NXPE2: variants seen among roughly 807,000 people sequenced by gnomAD.
The protein encoded by NXPE2 is neurexophilin and PC-esterase domain family member 2.
Under a neutral mutation model 34.4 loss-of-function variants are expected in NXPE2, and 34 were observed. That is an observed-to-expected ratio of 0.99 (90% CI 0.75 to 1.31). NXPE2 has a LOEUF of 1.31. NXPE2 is among the 40% of genes most tolerant of loss of function. NXPE2 has a pLI of 0.00. For synonymous variants in NXPE2, 235 were observed against 231.3 expected, an observed-to-expected ratio of 1.02 and a Z score of -0.15; for missense variants, 649 against 672.5, an observed-to-expected ratio of 0.97 and a Z score of 0.39.
At chr11:114,562,605 T>C in the NXPE2 span, among the ~76,000 whole-genome samples, 1 of 152,232 alleles carries the variant, frequency 6.6e-6, no homozygotes, top group Non-Finnish European at 1.5e-5. Context: ...TGTAACAACT[T>C]TCACAACTGC....
At position 114,698,780 on chromosome 11, in the gene NXPE2, T is replaced by A; in HGVS notation, c.866+2T>A. Reference sequence around the variant, plus strand: ...GGAAGAATGGAGGCTTTTCCACAGGTAAAGAGGCTTTTAAATACAATAGCA... The same window carrying A: ...GGAAGAATGGAGGCTTTTCCACAGGAAAAGAGGCTTTTAAATACAATAGCA... On this transcript the variant is annotated splice_donor_variant, in intron 3 of 5. Transcript: ENST00000389586. LOFTEE classifies it high-confidence loss of function. 1 of 1,518,304 alleles carries A rather than the reference T, an allele frequency of 6.6e-7. No homozygotes were observed. Among genetic ancestry groups the A allele is most frequent in the South Asian group, 1.3e-5 (1 of 76,936 alleles). 94.1% of individuals were successfully genotyped at this position (1,518,304 alleles called of 1,614,324 possible).
the NXPE2 span, among the ~76,000 whole-genome samples, chr11:114,557,988 C>A: frequency 6.6e-6 from 1 of 151,880 alleles, no homozygotes; most frequent in African/African-American, 2.4e-5. Context: ...CCCTAACTGC[C>A]CTTTGTTCCT....
At position 114,698,266 on chromosome 11, in the gene NXPE2, C is replaced by A; in HGVS notation, c.354C>A (p.Asn118Lys). The change falls in exon 3 of 6, where the codon AAC (asparagine) becomes AAA (lysine). Residue 118 changes from asparagine (N) to lysine (K), a missense_variant. By Grantham distance (94) the Asn-to-Lys change is moderately conservative. Coordinates refer to ENST00000389586, the MANE Select transcript of NXPE2 (RefSeq NM_182495.6). ...CACACAGCACAGCCACCATCCTCAA[C>A]CCTCAAGATACGTACTGCAGGGGGG... ...SATHSTATIL[N>K]PQDTYCRGDQ... is the part of the protein sequence containing the mutation. 2 of 1,613,352 alleles carry A rather than the reference C, an allele frequency of 1.2e-6. No individual in the cohort carries two copies. Among genetic ancestry groups the A allele is most frequent in the Non-Finnish European group, 1.7e-6 (2 of 1,179,558 alleles).
At chr11:114,485,576 C>T in the NXPE2 span, among the ~76,000 whole-genome samples, 1 of 151,650 alleles carries the variant, frequency 6.6e-6, no homozygotes, top group Non-Finnish European at 1.5e-5. Context: ...CTATAGTCAC[C>T]CTGTTGTGCT....
chr11:114,774,192 T>C, the NXPE2 span, among the ~76,000 whole-genome samples: 1 of 152,204 alleles, frequency 6.6e-6, no homozygotes, highest in South Asian at 2.1e-4. Context: ...TCTGGGGCTG[T>C]TTGCACGCTG....
chr11:114,483,323 A>C, the NXPE2 span, among the ~76,000 whole-genome samples: 1 of 152,370 alleles, frequency 6.6e-6, no homozygotes, highest in East Asian at 1.9e-4. Context: ...AGGTAGTATT[A>C]CATAGTGGTT....
chr11:114,726,904 C>A, the NXPE2 span, among the ~76,000 whole-genome samples: 1 of 151,984 alleles, frequency 6.6e-6, no homozygotes, highest in Admixed American at 6.6e-5. Context: ...ATCAGAATGA[C>A]CTTTACCATC....
chr11:114,721,210 C>G, the NXPE2 span, among the ~76,000 whole-genome samples: 1 of 150,830 alleles, frequency 6.6e-6, no homozygotes, highest in Non-Finnish European at 1.5e-5. Context: ...GTGGGATCAC[C>G]TGGTTTGGCT....
At chr11:114,752,034 C>A in the NXPE2 span, among the ~76,000 whole-genome samples, 1 of 152,302 alleles carries the variant, frequency 6.6e-6, no homozygotes, top group South Asian at 2.1e-4. Context: ...AGACTTCTGG[C>A]CTACAGAACT....
chr11:114,496,598 ATTTTG>A, the NXPE2 span, among the ~76,000 whole-genome samples: 3 of 151,922 alleles, frequency 2.0e-5, no homozygotes, highest in African/African-American at 4.8e-5. Flanking sequence ...CCTCCTCAAC[ATTTTG>A]TTTTGTTTTG....
At chr11:114,630,668 C>G in the NXPE2 span, among the ~76,000 whole-genome samples, 1 of 150,664 alleles carries the variant, frequency 6.6e-6, no homozygotes, top group Non-Finnish European at 1.5e-5. Context: ...CCAAAATTGA[C>G]AAATGGGATC....
At chr11:114,518,520 C>T in the NXPE2 span, 1 of 152,160 alleles carries the variant, frequency 6.6e-6, no homozygotes, top group East Asian at 1.9e-4. Flanking sequence ...GAATGGGGTT[C>T]TTGTCTGGAT....
the NXPE2 span, among the ~76,000 whole-genome samples, chr11:114,592,198 A>G: frequency 2.6e-5 from 4 of 152,244 alleles, no homozygotes; most frequent in East Asian, 5.8e-4. Context: ...GAAATAAATA[A>G]AGGGCATACA....
chr11:114,629,472 C>G, the NXPE2 span, among the ~76,000 whole-genome samples: 24,686 of 149,280 alleles, frequency 0.17, 2,606 homozygotes, highest in Non-Finnish European at 0.22. Flanking sequence ...ATTCAACAAC[C>G]CTTCATGCTA....
At chr11:114,570,999 AC>A in the NXPE2 span, 1 of 1,613,042 alleles carries the variant, frequency 6.2e-7, no homozygotes, top group African/African-American at 1.3e-5. Context: ...AGGTGGGTGT[AC>A]ATTATTTGTG....
chr11:114,616,608 A>G, the NXPE2 span, among the ~76,000 whole-genome samples: 2 of 139,970 alleles, frequency 1.4e-5, no homozygotes, highest in African/African-American at 5.2e-5. Flanking sequence ...GTATTGCCTC[A>G]TGGGTAACCA....
chr11:114,778,155 C>T, the NXPE2 span, among the ~76,000 whole-genome samples: 1,151 of 152,128 alleles, frequency 7.6e-3, 12 homozygotes, highest in African/African-American at 0.026. Context: ...ATGTTTAAGT[C>T]AGGACTCAAA....
At chr11:114,781,537 A>AGAT in the NXPE2 span, among the ~76,000 whole-genome samples, 2 of 152,126 alleles carry the variant, frequency 1.3e-5, no homozygotes, top group Non-Finnish European at 2.9e-5. Context: ...AGTTGGTGGG[A>AGAT]GATAAAAGGG....
At chr11:114,681,522 C>A (rs766876358) in intron 2 of NXPE2, among the ~76,000 whole-genome samples, 1 of 152,094 alleles carries the variant, frequency 6.6e-6, no homozygotes, top group Non-Finnish European at 1.5e-5. Context: ...TTTTCTTTTT[C>A]TTCCCTTTCT....
Sources: allele counts gnomAD v4.1 joint callset (sites outside exome capture counted in the v4.1 genomes callset), GRCh38; gene constraint gnomAD v4.1.1; transcripts MANE v1.5; gene names NCBI Gene and HGNC (gene_info 2026-07-23, HGNC 2026-07-21).